The following GSG1 variants were observed in gnomAD, a reference collection of about 807,000 sequenced individuals.
GSG1 encodes germ cell associated 1, also known as germ cell-specific gene 1 protein.
A neutral mutation model predicts 30.8 loss-of-function variants in GSG1; 28 were observed. The observed-to-expected ratio is 0.91, with a 90% CI of 0.67 to 1.25. GSG1 has a LOEUF of 1.25. Ranked by LOEUF, GSG1 falls within the 50% of genes most tolerant of loss-of-function variation. GSG1 has a pLI of 0.00. For missense variants in GSG1, 435 were observed against 444.7 expected (o/e 0.98, Z 0.20); for synonymous variants, 162 against 178.0 (o/e 0.91, Z 0.71).
rs754331794 is a variant in GSG1 at position 13,085,066 on chromosome 12, G to A, written c.924C>T (p.Thr308=). 1.5e-5 allele frequency: 24 copies of A among 1,608,316 alleles called. No individual in the cohort carries two copies. Among genetic ancestry groups the A allele is most frequent in the East Asian group, 4.5e-5 (2 of 44,694 alleles). Residue 308 remains threonine (T), a synonymous_variant, in exon 7 of 7, where the codon ACC becomes ACT. Coordinates refer to ENST00000651961, the MANE Select transcript of GSG1 (RefSeq NM_001080555.4). ...FPRRLSSAAP[T]VGPLTSYHQY... Reference sequence around the variant, plus strand: ...GGTGGTAGCTGGTCAAAGGACCCACGGTGGGGGCTGCACTTGACAGCCGCC... The same window carrying A: ...GGTGGTAGCTGGTCAAAGGACCCACAGTGGGGGCTGCACTTGACAGCCGCC...
At chr12:13,092,958 A>AT (rs1303046735) in intron 1 of GSG1, among the ~76,000 whole-genome samples, 4 of 149,284 alleles carry the variant, frequency 2.7e-5, no homozygotes, top group South Asian at 4.2e-4. Flanking sequence ...TGCCTGGCTA[A>AT]TTTTTTTTTG....
chr12:13,095,313 C>CT (rs762951191), intron 1 of GSG1, among the ~76,000 whole-genome samples: 46 of 152,196 alleles, frequency 3.0e-4, no homozygotes, highest in Non-Finnish European at 5.7e-4. Context: ...AAGAACAACT[C>CT]TATCTTTGTG....
intron 1 of GSG1, among the ~76,000 whole-genome samples, chr12:13,095,273 A>G (rs959988440): frequency 1.3e-5 from 2 of 152,208 alleles, no homozygotes; most frequent in South Asian, 2.1e-4. Flanking sequence ...AATGGTTTCC[A>G]TAAAGTGATC....
Position 13,088,053 on chromosome 12 carries a change from A to G in GSG1, c.488T>C (p.Leu163Pro), listed in dbSNP as rs1865710996. The G allele has an allele frequency of 2.5e-6, 4 of 1,614,084 alleles. No homozygotes were observed. The highest frequency in any genetic ancestry group is 1.7e-5 in the Admixed American group (1 of 60,012). The stretch of plus-strand genomic sequence containing the variant: ...GATCTGCGTTCCCAGGGATAACCAT[A>G]GGATTTCTGCCAGAAACCAGAGGAA... ...ELTPPAKREILWLSLGTQITY... is the reference protein window; with the variant it reads ...ELTPPAKREIPWLSLGTQITY... Residue 163 changes from leucine (L) to proline (P), a missense_variant, in exon 5 of 7, where the codon CTA becomes CCA. By Grantham distance (98) the Leu-to-Pro change is moderately conservative (BLOSUM62 -3). Transcript: ENST00000651961.
chr12:13,084,741 C>A lies in GSG1; in HGVS notation c.*160G>T. On this transcript the variant is annotated 3_prime_UTR_variant, in exon 7 of 7. Transcript: ENST00000651961. ...TGTAGAGGAAAAGAGAGCAGTGGCACCCAGGAATCCCTTAGGACTTAAAGA... is the reference window on the plus strand; with the variant it reads ...TGTAGAGGAAAAGAGAGCAGTGGCAACCAGGAATCCCTTAGGACTTAAAGA... The A allele has an allele frequency of 1.9e-6, 1 of 540,256 alleles. No individual in the cohort carries two copies. Among genetic ancestry groups the A allele is most frequent in the Non-Finnish European group, 3.3e-6 (1 of 304,864 alleles). 33.5% of individuals were successfully genotyped at this position (540,256 alleles called of 1,614,324 possible).
At chr12:13,100,186 G>T (rs186223594) in intron 1 of GSG1, among the ~76,000 whole-genome samples, 85 of 152,300 alleles carry the variant, frequency 5.6e-4, no homozygotes, top group South Asian at 2.7e-3. Context: ...AATGCAAAAA[G>T]GTTTATGGAT....
At chr12:13,085,909 G>A (rs1865476130) in intron 6 of GSG1, among the ~76,000 whole-genome samples, 1 of 152,190 alleles carries the variant, frequency 6.6e-6, no homozygotes, top group Admixed American at 6.5e-5. Flanking sequence ...GGTGGGAGAG[G>A]AGCTGGAGAT....
At chr12:13,099,759 T>TTTTTTTTTTG (rs1863046451) in intron 1 of GSG1, among the ~76,000 whole-genome samples, 37 of 144,792 alleles carry the variant, frequency 2.6e-4, no homozygotes, top group Admixed American at 4.2e-4. Context: ...TGTTTTTTTT[T>TTTTTTTTTTG]TTTTTTTTTG....
intron 1 of GSG1, chr12:13,095,724 T>C (rs935086974): frequency 6.4e-7 from 1 of 1,570,360 alleles, no homozygotes; most frequent in South Asian, 1.2e-5. Flanking sequence ...CCTCTCCTCC[T>C]ACCCCTCCCC....
rs369027741 is a variant in GSG1, at chr12:13,085,002, C to T, written c.988G>A (p.Val330Ile). The stretch of plus-strand genomic sequence containing the variant: ...TTCCGCAGCTCGGAGTAGAAGTCGA[C>T]TCCCTCAGAGACAGAGTGGATGGGC... ...NQPIHSVSEG[V>I]DFYSELRNKG... Residue 330 changes from valine to isoleucine, a missense_variant, in exon 7 of 7, where the codon GTC becomes ATC. Val to Ile is a conservative substitution (Grantham distance 29). Coordinates refer to ENST00000651961, the MANE Select transcript of GSG1 (RefSeq NM_001080555.4). 1.9e-5 allele frequency: 30 copies of T among 1,557,508 alleles called. No homozygotes were observed. Among genetic ancestry groups the T allele is most frequent in the Non-Finnish European group, 2.6e-6 (3 of 1,149,984 alleles).
intron 1 of GSG1, among the ~76,000 whole-genome samples, chr12:13,091,245 A>C (rs1159378142): frequency 6.6e-6 from 1 of 152,186 alleles, no homozygotes; most frequent in African/African-American, 2.4e-5. Context: ...CCCGTGTCCA[A>C]ACTGGCCCTA....
Position 13,090,505 on chromosome 12 carries a change from G to A in GSG1, c.362C>T (p.Pro121Leu). Reference sequence around the variant, plus strand: ...TTATATCCCAGAATGTAGGCTACCTGGTTCTTCCACAGTTTCCTCACAGGA... The same window carrying A: ...TTATATCCCAGAATGTAGGCTACCTAGTTCTTCCACAGTTTCCTCACAGGA... ...WLSCEETVEEPALLHPQSWKQ... is the reference protein window; with the variant it reads ...WLSCEETVEELALLHPQSWKQ... Residue 121 changes from proline (P) to leucine (L), a missense_variant and splice_region_variant, in exon 2 of 7, where the codon CCA becomes CTA. By Grantham distance (98) the Pro-to-Leu change is moderately conservative. Transcript: ENST00000651961. The A allele has an allele frequency of 6.2e-7, 1 of 1,606,544 alleles. No individual in the cohort carries two copies. The highest frequency in any genetic ancestry group is 1.1e-5 in the South Asian group (1 of 90,522).
chr12:13,090,460 C>T (rs1172941841), intron 2 of GSG1, 43 bp downstream of exon 2: 3 of 1,555,916 alleles, frequency 1.9e-6, no homozygotes, highest in Middle Eastern at 1.7e-4. Flanking sequence ...GATCCCTTGC[C>T]CGCCCTGACC....
chr12:13,095,510 T>C, intron 1 of GSG1: 1 of 1,208,108 alleles, frequency 8.3e-7, no homozygotes, highest in Non-Finnish European at 1.2e-6. Context: ...GGACAACAGA[T>C]CGATGAGGCA....
chr12:13,088,198 G>A (rs953773354), intron 4 of GSG1, 139 bp from the exon 5 acceptor site: 12 of 865,734 alleles, frequency 1.4e-5, no homozygotes, highest in South Asian at 1.2e-4. Context: ...CTGAAACCAG[G>A]GAGGAACATT....
At position 13,090,733 on chromosome 12, in the gene GSG1, G is replaced by A; in HGVS notation, c.134C>T (p.Ser45Phe). The A allele has an allele frequency of 1.2e-6, 2 of 1,614,236 alleles. No homozygotes were observed. The highest frequency in any genetic ancestry group is 1.3e-5 in the African/African-American group (1 of 75,058). The change falls in exon 2 of 7, where the codon TCC becomes TTC. Residue 45 changes from serine to phenylalanine, a missense_variant. Physicochemically the swap from Ser to Phe is radical, Grantham distance 155 (BLOSUM62 -2). Transcript: ENST00000651961. ...SMLSLSFSTT[S>F]LLSNYWFVGT... Reference sequence around the variant, plus strand: ...CACAAACCAGTAGTTGCTGAGCAGGGATGTTGTGGAGAAGCTGAGTGATAG... The same window carrying A: ...CACAAACCAGTAGTTGCTGAGCAGGAATGTTGTGGAGAAGCTGAGTGATAG...
rs1328142251 is a variant in GSG1, at chr12:13,088,905, C to T, written c.438G>A (p.Glu146=). 1.2e-6 allele frequency: 2 copies of T among 1,614,026 alleles called. No homozygotes were observed. Among genetic ancestry groups the T allele is most frequent in the Non-Finnish European group, 1.7e-6 (2 of 1,180,016 alleles). ...TAAGTTCAATGAAACTTCGGCACCT[C>T]TCCCCTGAAACATACAAGGTACAAC... is the stretch of plus-strand genomic sequence containing the variant. The part of the protein sequence containing the change: ...RSSGTAAAKG[E]RCRSFIELTP... Residue 146 remains glutamate, a synonymous_variant, in exon 4 of 7, where the codon GAG becomes GAA. Coordinates refer to ENST00000651961, the MANE Select transcript of GSG1 (RefSeq NM_001080555.4).
At position 13,089,216 on chromosome 12, in the gene GSG1, G is replaced by A. The variant is rs201120155; in HGVS notation, c.425C>T (p.Ala142Val). ...TTAGTGTTAACTAATACCTTTTGCT[G>A]CCGCTGTACCACTGGACCGAAGGGC... ...FRALRSSGTA[A>V]AKGERCRSFI... The change falls in exon 3 of 7, where the codon GCA becomes GTA. Residue 142 changes from alanine (A) to valine (V), a missense_variant. Transcript: ENST00000651961. The A allele has an allele frequency of 3.6e-4, 561 of 1,556,636 alleles. No individual in the cohort carries two copies. The highest frequency in any genetic ancestry group is 4.6e-4 in the Non-Finnish European group (533 of 1,149,706).
At chr12:13,089,433 GGCCGGTCACCTTTCAGT>G in intron 2 of GSG1, 157 bp from the exon 3 acceptor site, 1 of 1,282,578 alleles carries the variant, frequency 7.8e-7, no homozygotes, top group South Asian at 1.4e-5. Context: ...TTTCTTCCCA[GGCCGGTCACCTTTCAGT>G]GCTCTTGGGC....
Sources: allele counts gnomAD v4.1 joint callset (sites outside exome capture counted in the v4.1 genomes callset), GRCh38; gene constraint gnomAD v4.1.1; transcripts MANE v1.5; gene names NCBI Gene and HGNC (gene_info 2026-07-23, HGNC 2026-07-21).